Variants in RUBCN observed in about 807,000 individuals in gnomAD.
The protein encoded by RUBCN is run domain Beclin-1-interacting and cysteine-rich domain-containing protein.
RUBCN carries 74 observed loss-of-function variants against 113.2 expected under a neutral mutation model. The ratio of observed to expected loss-of-function variants is 0.65; its 90% confidence interval spans 0.54 to 0.79. The LOEUF (loss-of-function observed/expected upper bound fraction) is 0.79. RUBCN is among the 30% of genes least tolerant of loss of function. The pLI, the probability that RUBCN is intolerant of heterozygous loss-of-function variation, is 0.00. For synonymous variants in RUBCN, 480 were observed against 490.0 expected, an observed-to-expected ratio of 0.98 and a Z score of 0.27; for missense variants, 1,109 against 1,251.7, an observed-to-expected ratio of 0.89 and a Z score of 1.72.
intron 2 of RUBCN, among the ~76,000 whole-genome samples, chr3:197,713,269 GCA>G (rs968379073): frequency 5.1e-4 from 78 of 152,236 alleles, no homozygotes; most frequent in African/African-American, 1.9e-3. Flanking sequence ...TCTCTTTCAG[GCA>G]CAGATAGTGA....
Position 197,675,282 on chromosome 3 carries a change from C to A in RUBCN, c.2741-86G>T. On this transcript the variant is annotated intron_variant, in intron 19 of 19. Coordinates refer to ENST00000296343, the MANE Select transcript of RUBCN (RefSeq NM_014687.4). This position sits in a 1 kb window ranked among gnomAD's most constrained non-coding sequence, Gnocchi z 4.4. ...GTCAGTTGCTGCCACAGCCCCTTCT[C>A]GCCACCAAGGCGTGGTGTCCCCTGG... 1 of 1,566,948 alleles carries A rather than the reference C, an allele frequency of 6.4e-7. No homozygotes were observed. The highest frequency in any genetic ancestry group is 1.1e-5 in the South Asian group (1 of 89,828).
chr3:197,746,793 G>A (rs564534841), intron 1 of RUBCN, among the ~76,000 whole-genome samples: 12 of 152,276 alleles, frequency 7.9e-5, no homozygotes, highest in South Asian at 2.1e-4. Flanking sequence ...TGACTTAGGC[G>A]AAGCTGTGGA....
At chr3:197,714,009 G>A (rs1725246782) in intron 2 of RUBCN, among the ~76,000 whole-genome samples, 1 of 152,074 alleles carries the variant, frequency 6.6e-6, no homozygotes, top group Non-Finnish European at 1.5e-5. Context: ...CCGGGAGGCA[G>A]AGCTTGCAGT....
Position 197,694,132 on chromosome 3 carries a change from C to T in RUBCN, c.1684+243G>A, listed in dbSNP as rs557316664. 2.9e-4 allele frequency: 186 copies of T among 635,324 alleles called. 1 individual carries two copies. Among genetic ancestry groups the T allele is most frequent in the South Asian group, 2.1e-3 (142 of 66,338 alleles). 39.4% of individuals were successfully genotyped at this position (635,324 alleles called of 1,614,324 possible). A position where few individuals can be genotyped will look rare whatever the true frequency, so the allele number is the denominator to read the frequency against. On this transcript the variant is annotated intron_variant, in intron 10 of 19. Transcript: ENST00000296343. ...TCTCAAACTCCTGGCCTCAAGTGAT[C>T]CACCCGCCTCGGCCTCCCAAAGTGC...
In RUBCN at chr3:197,736,637, C is replaced by A. The variant is rs1391169262; in HGVS notation, c.65+18G>T. ...GGCGCCTGTCGCTGCCCCGACTCCG[C>A]GGCGGCTCCCAGCCCACCTGCTCTC... is the stretch of plus-strand genomic sequence containing the variant. On this transcript the variant is annotated intron_variant, in intron 1 of 19. Transcript: ENST00000296343. 2 of 1,532,366 alleles carry A rather than the reference C, an allele frequency of 1.3e-6. No individual in the cohort carries two copies. Among genetic ancestry groups the A allele is most frequent in the African/African-American group, 1.4e-5 (1 of 72,906 alleles). 94.9% of individuals were successfully genotyped at this position (1,532,366 alleles called of 1,614,324 possible). A position where few individuals can be genotyped will look rare whatever the true frequency, so the allele number is the denominator to read the frequency against.
Position 197,700,899 on chromosome 3 carries a change from C to G in RUBCN, c.975G>C (p.Leu325=). 1 of 1,614,168 alleles carries G rather than the reference C, an allele frequency of 6.2e-7. No homozygotes were observed. Among genetic ancestry groups the G allele is most frequent in the East Asian group, 2.2e-5 (1 of 44,868 alleles). ...PGDASEGPEY[L]AIGNLDPRGR... The stretch of plus-strand genomic sequence containing the variant: ...CTCGGGGGTCCAAGTTGCCAATGGC[C>G]AGGTACTCAGGCCCCTCACTGGCAT... The change falls in exon 7 of 20, where the codon CTG becomes CTC. Residue 325 remains leucine, a synonymous_variant. Transcript: ENST00000296343.
chr3:197,674,473 C>A lies in RUBCN; in HGVS notation c.*545G>T. The A allele has an allele frequency of 2.2e-6, 1 of 449,310 alleles. No homozygotes were observed. Among genetic ancestry groups the A allele is most frequent in the Admixed American group, 2.5e-5 (1 of 40,412 alleles). The allele number at this position is 449,310 out of a possible 1,614,324, so 27.8% of individuals were successfully genotyped here. ...GATTGTTCTGTGGCCCCCAAAATACCCAAATAAGTGGACGAAATGCCCATG... is the reference window on the plus strand; with the variant it reads ...GATTGTTCTGTGGCCCCCAAAATACACAAATAAGTGGACGAAATGCCCATG... On this transcript the variant is annotated 3_prime_UTR_variant, in exon 20 of 20. Transcript: ENST00000296343.
In RUBCN at chr3:197,672,683, A is replaced by G. The variant is rs2108819704; in HGVS notation, c.*2335T>C. The G allele has an allele frequency of 6.6e-6, 1 of 152,444 alleles. No homozygotes were observed. The highest frequency in any genetic ancestry group is 1.9e-4 in the East Asian group (1 of 5,186). 9.4% of individuals were successfully genotyped at this position (152,444 alleles called of 1,614,324 possible). A position where few individuals can be genotyped will look rare whatever the true frequency, so the allele number is the denominator to read the frequency against. Reference sequence around the variant, plus strand: ...CTCCAGCGCAGTGACCTGGAGAAAGAGCTGGATGTGTCACCTTTTTGTTTT... The same window carrying G: ...CTCCAGCGCAGTGACCTGGAGAAAGGGCTGGATGTGTCACCTTTTTGTTTT... On this transcript the variant is annotated 3_prime_UTR_variant, in exon 20 of 20. Transcript: ENST00000296343.
intron 7 of RUBCN, among the ~76,000 whole-genome samples, chr3:197,698,600 C>T (rs1723269843): frequency 6.6e-6 from 1 of 151,598 alleles, no homozygotes; most frequent in African/African-American, 2.4e-5. Flanking sequence ...ACAAAAAAAC[C>T]AAACATGCAA....
At chr3:197,689,889 T>C (rs1261825084) in intron 11 of RUBCN, among the ~76,000 whole-genome samples, 5 of 152,198 alleles carry the variant, frequency 3.3e-5, no homozygotes, top group Admixed American at 3.3e-4. Context: ...ACTGTGCTAC[T>C]GAACACTAGA....
chr3:197,699,492 G>A (rs1723399031), intron 7 of RUBCN, among the ~76,000 whole-genome samples: 1 of 152,184 alleles, frequency 6.6e-6, no homozygotes, highest in Non-Finnish European at 1.5e-5. Context: ...CAAGAATGGG[G>A]CGGGAAAGTT....
intron 7 of RUBCN, 29 bp downstream of exon 7, chr3:197,700,584 G>C: frequency 6.2e-7 from 1 of 1,612,858 alleles, no homozygotes; most frequent in Non-Finnish European, 8.5e-7. Flanking sequence ...GGGTCATCTT[G>C]CTAACTAGCA....
chr3:197,705,728 GTTTTCT>G (rs1164745415), intron 2 of RUBCN, among the ~76,000 whole-genome samples: 1 of 151,812 alleles, frequency 6.6e-6, no homozygotes, highest in Non-Finnish European at 1.5e-5. Context: ...TAAAAATAAT[GTTTTCT>G]TTTTCTTTTT....
chr3:197,695,723 C>G (rs1309476633), intron 9 of RUBCN, 143 bp downstream of exon 9: 20 of 761,792 alleles, frequency 2.6e-5, no homozygotes, highest in Admixed American at 6.0e-5. Flanking sequence ...TCCTCAGAAA[C>G]AGAACTTGCT....
In RUBCN at chr3:197,749,606, C is replaced by T. The variant is rs1480300947; in HGVS notation, c.-453G>A. The T allele has an allele frequency of 2.7e-6, 3 of 1,122,296 alleles. No individual in the cohort carries two copies. In the African/African-American group the frequency reaches 4.8e-5, roughly 18 times the overall value. The allele number at this position is 1,122,296 out of a possible 1,614,324, so 69.5% of individuals were successfully genotyped here. ...GGACCTGTCTGCAGCAGGAGGGACT[C>T]GAAGGACACGGAGGATTATATCACT... On this transcript the variant is annotated 5_prime_UTR_variant, in exon 1 of 21. Coordinates refer to the RUBCN transcript ENST00000273582.
Position 197,674,093 on chromosome 3 carries a change from T to A in RUBCN, c.*925A>T, listed in dbSNP as rs1290281946. The A allele has an allele frequency of 6.6e-6, 1 of 152,212 alleles. No homozygotes were observed. The highest frequency in any genetic ancestry group is 1.5e-5 in the Non-Finnish European group (1 of 68,120). 9.4% of individuals were successfully genotyped at this position (152,212 alleles called of 1,614,324 possible). On this transcript the variant is annotated 3_prime_UTR_variant, in exon 20 of 20. Coordinates refer to ENST00000296343, the MANE Select transcript of RUBCN (RefSeq NM_014687.4). Reference sequence around the variant, plus strand: ...CACGCTAAGAAGATGGTGGGTGAGGTTCCTGTCCTCACCTTAGGATGGCAT... The same window carrying A: ...CACGCTAAGAAGATGGTGGGTGAGGATCCTGTCCTCACCTTAGGATGGCAT...
Position 197,681,094 on chromosome 3 carries a change from G to A in RUBCN, c.2430+35C>T. The A allele has an allele frequency of 7.1e-7, 1 of 1,412,042 alleles. No individual in the cohort carries two copies. Among genetic ancestry groups the A allele is most frequent in the Non-Finnish European group, 1.0e-6 (1 of 998,394 alleles). 87.5% of individuals were successfully genotyped at this position (1,412,042 alleles called of 1,614,324 possible). On this transcript the variant is annotated intron_variant, in intron 16 of 19. Coordinates refer to ENST00000296343, the MANE Select transcript of RUBCN (RefSeq NM_014687.4). This position sits in a 1 kb window ranked among gnomAD's most constrained non-coding sequence, Gnocchi z 5.5. ...GGGAGGGGATGAGGGGAGGAGAAGG[G>A]CAAGACTCTAAGGTGGCCTTTTCCA...
At chr3:197,689,079 G>A (rs944191473) in intron 11 of RUBCN, among the ~76,000 whole-genome samples, 1 of 150,198 alleles carries the variant, frequency 6.7e-6, no homozygotes, top group Admixed American at 6.6e-5. Flanking sequence ...AGGATGAAGT[G>A]CAGTGGCATG....
At chr3:197,725,520 C>CTTTTTTTTTTTTTTTTTTTTTTTTTTTTT (rs10718685) in intron 1 of RUBCN, among the ~76,000 whole-genome samples, 8 of 75,316 alleles carry the variant, frequency 1.1e-4, no homozygotes, top group Non-Finnish European at 1.2e-4. Flanking sequence ...ACAGGAGAAT[C>CTTTTTTTTTTTTTTTTTTTTTTTTTTTTT]TTTTTTTTTT....
Sources: allele counts gnomAD v4.1 joint callset (sites outside exome capture counted in the v4.1 genomes callset), GRCh38; gene constraint gnomAD v4.1.1; non-coding constraint Gnocchi (gnomAD v3.1); transcripts MANE v1.5; gene names NCBI Gene and HGNC (gene_info 2026-07-23, HGNC 2026-07-21).